The following FAM3C variants were observed in gnomAD, a reference collection of about 807,000 sequenced individuals.
FAM3C encodes FAM3 metabolism regulating signaling molecule C.
In FAM3C, 15 loss-of-function variants were observed where a neutral mutation model predicts 32.5. That is an observed-to-expected ratio of 0.46 (90% CI 0.31 to 0.71). FAM3C has a LOEUF of 0.71. FAM3C is among the 30% of genes least tolerant of loss of function. The probability of loss-of-function intolerance (pLI) is 0.05; values close to 1 mark genes in which losing one functional copy is unlikely to be tolerated. For synonymous variants in FAM3C, 75 were observed against 86.1 expected (o/e 0.87, Z 0.72); for missense variants, 175 against 274.4 (o/e 0.64, Z 2.56).
rs141760315 is a variant in FAM3C at position 121,379,933 on chromosome 7, C to A, written c.14-919G>T. Among the ~76,000 whole-genome samples the A allele has an allele frequency of 4.6e-5, 7 of 152,302 alleles. No individual in the cohort carries two copies. In the East Asian group the frequency reaches 5.8e-4, roughly 13 times the overall value. ...TAACTATAATACTAATCAATCCCTGCCTCCCTTTTCCATTTCCTACCTTGT... is the reference window on the plus strand; with the variant it reads ...TAACTATAATACTAATCAATCCCTGACTCCCTTTTCCATTTCCTACCTTGT... On this transcript the variant is annotated intron_variant, in intron 2 of 9. Coordinates refer to ENST00000359943, the MANE Select transcript of FAM3C (RefSeq NM_014888.3).
chr7:121,350,931 T>C (rs10258176), intron 9 of FAM3C, among the ~76,000 whole-genome samples: 3,053 of 152,244 alleles, frequency 0.02, 107 homozygotes, highest in African/African-American at 0.07. Flanking sequence ...CATTGTCCTG[T>C]AGGAAAAAAT....
At chr7:121,365,368 T>C (rs2707476) in intron 5 of FAM3C, among the ~76,000 whole-genome samples, 38,834 of 152,012 alleles carry the variant, frequency 0.26, 5,942 homozygotes, top group African/African-American at 0.44. Flanking sequence ...GTTTTAAATA[T>C]TGGAAGACTA....
chr7:121,379,348 A>G (rs1431153932), intron 2 of FAM3C, among the ~76,000 whole-genome samples: 1 of 152,104 alleles, frequency 6.6e-6, no homozygotes, highest in Non-Finnish European at 1.5e-5. Context: ...GTTGAATGGC[A>G]GATTCCTTAT....
intron 8 of FAM3C, 142 bp from the exon 9 acceptor site, chr7:121,351,411 G>T (rs1793703502): frequency 1.5e-6 from 1 of 687,478 alleles, no homozygotes; most frequent in Non-Finnish European, 2.2e-6. Context: ...TTTTTTCAGA[G>T]TTACATTTCT....
chr7:121,369,912 T>C (rs1279021541), intron 5 of FAM3C, among the ~76,000 whole-genome samples: 1 of 150,866 alleles, frequency 6.6e-6, no homozygotes, highest in Non-Finnish European at 1.5e-5. Flanking sequence ...GTTTACGGTT[T>C]TAATCTGTGA....
chr7:121,358,460 AAAG>A (rs1186489624), intron 8 of FAM3C, among the ~76,000 whole-genome samples: 1 of 151,998 alleles, frequency 6.6e-6, no homozygotes, highest in Non-Finnish European at 1.5e-5. Flanking sequence ...TTTTTTCTAG[AAAG>A]AAGAACATTA....
chr7:121,369,931 C>A (rs1032350981), intron 5 of FAM3C, among the ~76,000 whole-genome samples: 8 of 140,628 alleles, frequency 5.7e-5, no homozygotes, highest in African/African-American at 2.4e-4. Flanking sequence ...GAATAAAAAA[C>A]CTGCTAGTAA....
At chr7:121,365,027 C>T (rs188702480) in intron 5 of FAM3C, among the ~76,000 whole-genome samples, 11 of 152,212 alleles carry the variant, frequency 7.2e-5, no homozygotes, top group East Asian at 3.9e-4. Context: ...TGTGACTACA[C>T]GTGCACACAC....
At chr7:121,383,450 G>T (rs1391644925) in intron 1 of FAM3C, among the ~76,000 whole-genome samples, 2 of 152,132 alleles carry the variant, frequency 1.3e-5, no homozygotes, top group Non-Finnish European at 2.9e-5. Flanking sequence ...TCCAGTACAT[G>T]ATGCCACTTC....
intron 8 of FAM3C, among the ~76,000 whole-genome samples, chr7:121,357,066 C>A (rs894792379): frequency 1.3e-5 from 2 of 152,168 alleles, no homozygotes; most frequent in African/African-American, 4.8e-5. Flanking sequence ...CCTCAAACTT[C>A]TTTGACCATT....
At chr7:121,363,495 T>C (rs993594886) in intron 6 of FAM3C, among the ~76,000 whole-genome samples, 6 of 152,160 alleles carry the variant, frequency 3.9e-5, no homozygotes, top group Admixed American at 3.9e-4. Context: ...GCTGTGAAAG[T>C]AGTAAAATAT....
intron 2 of FAM3C, 67 bp from the exon 3 acceptor site, chr7:121,379,081 A>C: frequency 1.2e-6 from 1 of 854,562 alleles, no homozygotes; most frequent in Non-Finnish European, 1.9e-6. Flanking sequence ...CATTTCTATG[A>C]AAAATGTTTA....
chr7:121,395,981 G>A (rs1263942481), intron 1 of FAM3C, among the ~76,000 whole-genome samples, 181 bp downstream of exon 1: 3 of 151,306 alleles, frequency 2.0e-5, no homozygotes, highest in African/African-American at 4.8e-5. Context: ...CCCCAGTCCC[G>A]CCTGCGCCCT....
intron 7 of FAM3C, among the ~76,000 whole-genome samples, chr7:121,360,533 T>A (rs1166071902): frequency 2.0e-5 from 3 of 152,084 alleles, no homozygotes; most frequent in Admixed American, 2.0e-4. Context: ...ACTCCTTAAG[T>A]GTATGTAAAA....
At chr7:121,352,535 T>C (rs1793725706) in intron 8 of FAM3C, among the ~76,000 whole-genome samples, 2 of 152,192 alleles carry the variant, frequency 1.3e-5, no homozygotes, top group Non-Finnish European at 2.9e-5. Context: ...TATTAAGTGG[T>C]ACATTTATAG....
At chr7:121,363,646 T>C (rs1012205341) in intron 6 of FAM3C, among the ~76,000 whole-genome samples, 2 of 152,142 alleles carry the variant, frequency 1.3e-5, no homozygotes, top group African/African-American at 4.8e-5. Flanking sequence ...TGGTTTTATG[T>C]TTTCAGATTT....
intron 1 of FAM3C, among the ~76,000 whole-genome samples, chr7:121,395,171 AC>A: frequency 6.6e-6 from 1 of 152,200 alleles, no homozygotes; most frequent in South Asian, 2.1e-4. Flanking sequence ...ATATATGGAT[AC>A]ATACATATAT....
At chr7:121,356,349 C>T (rs1188493221) in intron 8 of FAM3C, among the ~76,000 whole-genome samples, 4 of 151,812 alleles carry the variant, frequency 2.6e-5, no homozygotes, top group Non-Finnish European at 4.4e-5. Flanking sequence ...CTATACATGA[C>T]AAAAAGTTAA....
chr7:121,360,690 C>T (rs73440241), intron 7 of FAM3C, among the ~76,000 whole-genome samples: 14 of 152,002 alleles, frequency 9.2e-5, no homozygotes, highest in East Asian at 3.9e-4. Flanking sequence ...AAAAATTAGC[C>T]GAGCTTGGTG....
Sources: gnomAD v4.1 joint callset for allele counts (sites outside exome capture counted in the v4.1 genomes callset) on GRCh38, gnomAD v4.1.1 for gene constraint, MANE v1.5 for transcripts, NCBI Gene and HGNC (gene_info 2026-07-23, HGNC 2026-07-21) for gene names.